The following LHFPL3 variants were observed in gnomAD, a reference collection of about 807,000 sequenced individuals.
LHFPL3 encodes the protein LHFPL tetraspan subfamily member 3, also known as LHFPL tetraspan subfamily member 3 protein.
In LHFPL3, 5 loss-of-function variants were observed where a neutral mutation model predicts 19.3. The observed-to-expected ratio is 0.26, with a 90% CI of 0.14 to 0.54. The LOEUF (loss-of-function observed/expected upper bound fraction) is 0.54, where lower values mean the gene tolerates loss of function less well. Ranked by LOEUF, LHFPL3 falls within the 20% of genes least tolerant of loss-of-function variation. The pLI, the probability that LHFPL3 is intolerant of heterozygous loss-of-function variation, is 0.94. For synonymous variants in LHFPL3, 133 were observed against 126.2 expected (o/e 1.05, Z -0.36); for missense variants, 249 against 307.4 (o/e 0.81, Z 1.42).
chr7:104,509,294 A>G (rs555312189), intron 1 of LHFPL3, among the ~76,000 whole-genome samples: 1 of 152,052 alleles, frequency 6.6e-6, no homozygotes, highest in Admixed American at 6.6e-5. Flanking sequence ...AAAGACAGAA[A>G]CTATGGACCA....
At chr7:104,593,413 A>T (rs1227894777) in intron 1 of LHFPL3, among the ~76,000 whole-genome samples, 2 of 152,154 alleles carry the variant, frequency 1.3e-5, no homozygotes, top group Non-Finnish European at 2.9e-5. Flanking sequence ...ACAGTTTGTT[A>T]TAATTTCTGT....
At chr7:104,473,389 A>G (rs1218845402) in intron 1 of LHFPL3, among the ~76,000 whole-genome samples, 1 of 152,248 alleles carries the variant, frequency 6.6e-6, no homozygotes. Flanking sequence ...CTCTGATAGA[A>G]TGAACAGCAA....
At chr7:104,878,617 A>G (rs1170397935) in intron 2 of LHFPL3, among the ~76,000 whole-genome samples, 1 of 152,188 alleles carries the variant, frequency 6.6e-6, no homozygotes, top group Non-Finnish European at 1.5e-5. Flanking sequence ...AATTAAGCCA[A>G]TTAATAAGCC....
intron 1 of LHFPL3, among the ~76,000 whole-genome samples, chr7:104,460,185 CT>C (rs776743676): frequency 6.6e-6 from 1 of 152,110 alleles, no homozygotes; most frequent in Non-Finnish European, 1.5e-5. Flanking sequence ...TTATCTCATT[CT>C]TTTTTATGAC....
chr7:104,480,469 A>G lies in LHFPL3; in HGVS notation c.445+151245A>G, dbSNP rs145630550. Among the ~76,000 whole-genome samples the G allele has an allele frequency of 5.9e-5, 9 of 152,324 alleles. No homozygotes were observed. In the East Asian group the frequency reaches 1.7e-3, roughly 29 times the overall value. On this transcript the variant is annotated intron_variant, in intron 1 of 2. Transcript: ENST00000424859. ...AGAAAATTCCCTGTATTTGGAATAG[A>G]AAAGAGAATAAACAGCAACTTTACT...
chr7:104,904,644 C>A (rs1431407169), intron 2 of LHFPL3, among the ~76,000 whole-genome samples: 1 of 151,968 alleles, frequency 6.6e-6, no homozygotes, highest in Non-Finnish European at 1.5e-5. Flanking sequence ...GAGTGAGACT[C>A]CATCTCAAAA....
At chr7:104,741,066 G>T (rs920609478) in intron 2 of LHFPL3, among the ~76,000 whole-genome samples, 3 of 152,094 alleles carry the variant, frequency 2.0e-5, no homozygotes, top group African/African-American at 7.2e-5. Context: ...TAAATTAATC[G>T]TCACAAAGGT....
intron 1 of LHFPL3, among the ~76,000 whole-genome samples, chr7:104,695,578 A>G (rs1584484736): frequency 1.3e-5 from 2 of 152,362 alleles, no homozygotes; most frequent in South Asian, 4.1e-4. Flanking sequence ...TAAAAAACTC[A>G]AAGGCTTTGC....
chr7:104,882,528 G>A (rs750745697), intron 2 of LHFPL3, among the ~76,000 whole-genome samples: 2 of 152,104 alleles, frequency 1.3e-5, no homozygotes, highest in Non-Finnish European at 2.9e-5. Flanking sequence ...GATTACAGGC[G>A]TGAGCCACTG....
chr7:104,772,003 A>C (rs2116400415), intron 2 of LHFPL3, among the ~76,000 whole-genome samples: 1 of 151,750 alleles, frequency 6.6e-6, no homozygotes, highest in East Asian at 1.9e-4. Flanking sequence ...TATTTTTAGT[A>C]GAAAAGAGGT....
At chr7:104,723,852 G>A (rs928392235) in intron 1 of LHFPL3, among the ~76,000 whole-genome samples, 1 of 146,596 alleles carries the variant, frequency 6.8e-6, no homozygotes, top group East Asian at 2.1e-4. Flanking sequence ...ATTTTAATAA[G>A]AAACCCATTT....
chr7:104,777,837 C>G (rs1794658166), intron 2 of LHFPL3, among the ~76,000 whole-genome samples: 1 of 152,066 alleles, frequency 6.6e-6, no homozygotes, highest in Non-Finnish European at 1.5e-5. Flanking sequence ...GAACCATGTC[C>G]TTTTGAGAAA....
intron 1 of LHFPL3, among the ~76,000 whole-genome samples, chr7:104,462,587 C>A (rs930381217): frequency 5.3e-5 from 8 of 152,134 alleles, no homozygotes; most frequent in Admixed American, 5.2e-4. Context: ...GGGAATGAAG[C>A]CTATTTGATC....
intron 2 of LHFPL3, among the ~76,000 whole-genome samples, chr7:104,833,248 G>A (rs1435601451): frequency 2.5e-5 from 2 of 81,338 alleles, no homozygotes; most frequent in Non-Finnish European, 4.3e-5. Flanking sequence ...TGTATTACTA[G>A]AGGGACAGAA....
At chr7:104,600,663 A>G (rs1257176192) in intron 1 of LHFPL3, among the ~76,000 whole-genome samples, 1 of 152,224 alleles carries the variant, frequency 6.6e-6, no homozygotes, top group Non-Finnish European at 1.5e-5. Context: ...CCAGAGACAG[A>G]GTTAGTCACT....
chr7:104,814,346 G>A (rs780313124), intron 2 of LHFPL3, among the ~76,000 whole-genome samples: 5 of 151,996 alleles, frequency 3.3e-5, no homozygotes, highest in South Asian at 2.1e-4. Context: ...TCTCTCCATC[G>A]TCTCTGCAGC....
At chr7:104,776,574 G>A (rs1455902924) in intron 2 of LHFPL3, among the ~76,000 whole-genome samples, 4 of 152,168 alleles carry the variant, frequency 2.6e-5, no homozygotes, top group Non-Finnish European at 5.9e-5. Flanking sequence ...CTGGAGGTGA[G>A]GCCCAAGAAT....
chr7:104,358,790 A>G (rs968415779), intron 1 of LHFPL3, among the ~76,000 whole-genome samples: 8 of 152,228 alleles, frequency 5.3e-5, no homozygotes, highest in Admixed American at 2.0e-4. Context: ...TTTTACTGCC[A>G]TGGCTCTTTT....
At chr7:104,890,950 T>C (rs1303582627) in intron 2 of LHFPL3, among the ~76,000 whole-genome samples, 5 of 151,984 alleles carry the variant, frequency 3.3e-5, no homozygotes, top group Non-Finnish European at 5.9e-5. Flanking sequence ...TGCAACAGAG[T>C]AGGTGGTCAC....
Sources: allele counts gnomAD v4.1 joint callset (sites outside exome capture counted in the v4.1 genomes callset), GRCh38; gene constraint gnomAD v4.1.1; transcripts MANE v1.5; gene names NCBI Gene and HGNC (gene_info 2026-07-23, HGNC 2026-07-21).